The following DMD variants were observed in gnomAD, a reference collection of about 807,000 sequenced individuals.
The protein encoded by DMD is dystrophin.
Under a neutral mutation model 330.1 loss-of-function variants are expected in DMD, and 63 were observed. That is an observed-to-expected ratio of 0.19 (90% confidence interval 0.16 to 0.24). The LOEUF (loss-of-function observed/expected upper bound fraction) is 0.24. DMD is among the 10% of genes least tolerant of loss of function. The pLI is 1.00. For synonymous variants in DMD, 1,223 were observed against 959.8 expected, an observed-to-expected ratio of 1.27 and a Z score of -5.07; for missense variants, 3,344 against 2,684.1, an observed-to-expected ratio of 1.25 and a Z score of -5.43.
At chrX:31,712,749 G>A (rs1206667306) in intron 52 of DMD, among the ~76,000 whole-genome samples, 1 of 111,029 alleles carries the variant, frequency 9.0e-6, no homozygotes, top group Non-Finnish European at 1.9e-5. Flanking sequence ...AACTTTATCT[G>A]CCTTTGGTTC....
intron 51 of DMD, among the ~76,000 whole-genome samples, chrX:31,771,372 A>T (rs2090325831): frequency 9.1e-6 from 1 of 110,054 alleles, no homozygotes; most frequent in Admixed American, 9.8e-5. Context: ...TAAATATGTA[A>T]TATATGAACA....
intron 1 of DMD, among the ~76,000 whole-genome samples, chrX:33,287,861 C>A (rs2053456322): frequency 9.0e-6 from 1 of 111,541 alleles, no homozygotes; most frequent in African/African-American, 3.3e-5. Flanking sequence ...TTCTTACCTT[C>A]TCCAAAACAA....
chrX:32,343,902 A>C (rs2097755844), intron 39 of DMD, among the ~76,000 whole-genome samples: 1 of 112,186 alleles, frequency 8.9e-6, no homozygotes, highest in Non-Finnish European at 1.9e-5. Flanking sequence ...ATAACTAATA[A>C]AAAATTATGT....
At chrX:32,589,290 T>C (rs2054622764) in intron 13 of DMD, among the ~76,000 whole-genome samples, 1 of 111,587 alleles carries the variant, frequency 9.0e-6, no homozygotes, top group Admixed American at 9.6e-5. Flanking sequence ...CAAATCAGCA[T>C]AGAGTATAAT....
chrX:32,838,180 AC>A (rs2148941569), intron 4 of DMD, among the ~76,000 whole-genome samples: 1 of 111,954 alleles, frequency 8.9e-6, no homozygotes, highest in Non-Finnish European at 1.9e-5. Context: ...ATTGACTGTA[AC>A]TTTCTTGAAT....
At chrX:32,264,846 A>G (rs143633489) in intron 43 of DMD, among the ~76,000 whole-genome samples, 1,398 of 111,974 alleles carry the variant, frequency 0.012, 29 homozygotes, top group African/African-American at 0.043. Context: ...AGTGTTCAAG[A>G]TTTGACTTGG....
rs760841239 is a variant in DMD, at chrX:32,995,057, A to G, written c.93+25082T>C. On this transcript the variant is annotated intron_variant, in intron 2 of 78. Coordinates refer to ENST00000357033, the MANE Select transcript of DMD (RefSeq NM_004006.3). ...GAGGTCAAGGCTGCAATGAGCCGCA[A>G]TGACTCCACTGCACTCCAACCTGAG... Among the ~76,000 whole-genome samples the G allele has an allele frequency of 2.4e-3, 271 of 111,920 alleles. 1 individual carries two copies. The highest frequency in any genetic ancestry group is 8.3e-3 in the African/African-American group (255 of 30,792).
intron 6 of DMD, among the ~76,000 whole-genome samples, chrX:32,813,326 C>T (rs2077504604): frequency 9.0e-6 from 1 of 111,651 alleles, no homozygotes; most frequent in Non-Finnish European, 1.9e-5. Context: ...TAACCTGGAC[C>T]ATAATTTATT....
intron 1 of DMD, among the ~76,000 whole-genome samples, chrX:33,111,799 CG>C (rs937160111): frequency 7.3e-5 from 8 of 110,103 alleles, no homozygotes; most frequent in African/African-American, 2.6e-4. Flanking sequence ...TAGTAGAGAC[CG>C]GGGTTTCACC....
chrX:33,176,019 C>A (rs202077151), intron 1 of DMD, among the ~76,000 whole-genome samples: 1 of 110,999 alleles, frequency 9.0e-6, no homozygotes, highest in East Asian at 2.9e-4. Flanking sequence ...GCAGTCAAAT[C>A]AAAAAAGATT....
intron 60 of DMD, among the ~76,000 whole-genome samples, chrX:31,432,237 A>T (rs2064144736): frequency 8.9e-6 from 1 of 112,252 alleles, no homozygotes; most frequent in South Asian, 3.7e-4. Flanking sequence ...ATTTGGTTCA[A>T]TTCTATTCAC....
chrX:31,446,181 T>C (rs2065255572), intron 59 of DMD, among the ~76,000 whole-genome samples: 2 of 112,541 alleles, frequency 1.8e-5, no homozygotes, highest in South Asian at 7.3e-4. Flanking sequence ...TGGTGCTGTA[T>C]AGAGCATAAC....
chrX:33,076,500 T>C lies in DMD; in HGVS notation c.32-56300A>G, dbSNP rs188132242. On this transcript the variant is annotated intron_variant, in intron 1 of 78. Transcript: ENST00000357033. The stretch of plus-strand genomic sequence containing the variant: ...AAACTAGAACTTTAGGGTGATCGAG[T>C]GTCTGGTGTGCCTGGGGGCTAAGCA... Among the ~76,000 whole-genome samples, 245 of 111,237 alleles carry C rather than the reference T, an allele frequency of 2.2e-3. 3 individuals carry two copies. Among genetic ancestry groups the C allele is most frequent in the Middle Eastern group, 4.6e-3 (1 of 217 alleles).
At chrX:32,959,938 A>T (rs1193951067) in intron 2 of DMD, among the ~76,000 whole-genome samples, 2 of 111,789 alleles carry the variant, frequency 1.8e-5, no homozygotes, top group African/African-American at 6.5e-5. Context: ...TAAACCAGAA[A>T]ATCCATCAGA....
chrX:31,844,217 A>G (rs780415026), intron 48 of DMD, among the ~76,000 whole-genome samples: 3 of 111,070 alleles, frequency 2.7e-5, no homozygotes, highest in African/African-American at 9.8e-5. Context: ...ATATAGTGAA[A>G]GGTAGGAGTC....
chrX:31,338,959 A>C lies in DMD; in HGVS notation c.9163+9597T>G, dbSNP rs1259542916. On this transcript the variant is annotated intron_variant, in intron 61 of 78. Transcript: ENST00000357033. ...ATCTATGCACAAAAAAAAAAAAAAA[A>C]AAAAAACAAAGTGCCCCAATTTGTA... Among the ~76,000 whole-genome samples the C allele has an allele frequency of 1.2e-4, 13 of 109,583 alleles. No homozygotes were observed. In the South Asian group the frequency reaches 1.6e-3, roughly 13 times the overall value.
rs147826502 is a variant in DMD at position 31,275,610 on chromosome X, T to C, written c.9225-14594A>G. On this transcript the variant is annotated intron_variant, in intron 62 of 78. Transcript: ENST00000357033. ...CTTTTGAATATCTTTCTTTTTAAAA[T>C]AGAATTAAATTTGAGGTGGGAAGAA... is the stretch of plus-strand genomic sequence containing the variant. 3.1e-3 allele frequency among the ~76,000 whole-genome samples: 342 copies of C among 110,931 alleles called. 1 individual carries two copies. Among genetic ancestry groups the C allele is most frequent in the Middle Eastern group, 0.014 (3 of 215 alleles).
At chrX:32,620,435 A>T (rs1399073659) in intron 11 of DMD, among the ~76,000 whole-genome samples, 1 of 112,473 alleles carries the variant, frequency 8.9e-6, no homozygotes, top group Non-Finnish European at 1.9e-5. Context: ...AGTGTTTACA[A>T]TAATTTAGAT....
intron 60 of DMD, among the ~76,000 whole-genome samples, chrX:31,408,071 A>G (rs964839650): frequency 8.9e-6 from 1 of 112,531 alleles, no homozygotes; most frequent in African/African-American, 3.2e-5. Flanking sequence ...CATATATGAG[A>G]GAAGGCATCA....
Sources: gnomAD v4.1 joint callset for allele counts (sites outside exome capture counted in the v4.1 genomes callset) on GRCh38, gnomAD v4.1.1 for gene constraint, MANE v1.5 for transcripts, NCBI Gene and HGNC (gene_info 2026-07-23, HGNC 2026-07-21) for gene names.